The following LCOR variants were observed in gnomAD, a reference collection of about 807,000 sequenced individuals.
LCOR encodes the protein ligand dependent nuclear receptor corepressor, also known as ligand-dependent corepressor.
Under a neutral mutation model 64.4 loss-of-function variants are expected in LCOR, and 14 were observed. The ratio of observed to expected loss-of-function variants is 0.22; its 90% confidence interval spans 0.14 to 0.34. The LOEUF is 0.34. Among genes scored for constraint, LCOR ranks in the 10% least tolerant of loss-of-function variants. LCOR has a pLI of 1.00. For missense variants in LCOR, 1,686 were observed against 1,765.3 expected, an observed-to-expected ratio of 0.96 and a Z score of 0.80; for synonymous variants, 643 against 642.5, an observed-to-expected ratio of 1.00 and a Z score of -0.01.
chr10:96,914,516 A>G (rs934813367), intron 4 of LCOR, among the ~76,000 whole-genome samples: 3 of 152,242 alleles, frequency 2.0e-5, no homozygotes, highest in African/African-American at 7.2e-5. Context: ...ATTTTAATAC[A>G]TTGAAAGTTT....
At chr10:96,956,168 TA>T in intron 7 of LCOR, 2 of 1,282,990 alleles carry the variant, frequency 1.6e-6, no homozygotes, top group Non-Finnish European at 2.0e-6. Flanking sequence ...AGAATTGAGT[TA>T]CCTCACAGAG....
chr10:96,926,923 A>C (rs1235716211), intron 4 of LCOR, among the ~76,000 whole-genome samples: 4 of 151,918 alleles, frequency 2.6e-5, no homozygotes, highest in African/African-American at 7.3e-5. Context: ...CAGTTTGTTT[A>C]TCATTTCACT....
At chr10:96,920,751 TACACACACAC>T (rs55839435) in intron 4 of LCOR, among the ~76,000 whole-genome samples, 3 of 118,866 alleles carry the variant, frequency 2.5e-5, no homozygotes, top group East Asian at 2.4e-4. Context: ...TATATATGTA[TACACACACAC>T]ACACACACAC....
At chr10:96,875,578 T>C (rs866636007) in intron 2 of LCOR, among the ~76,000 whole-genome samples, 23 of 151,992 alleles carry the variant, frequency 1.5e-4, no homozygotes, top group African/African-American at 5.5e-4. Flanking sequence ...TGAAAACACA[T>C]GGGCCAGGTT....
intron 7 of LCOR, chr10:96,955,197 G>T (rs1299147645): frequency 6.2e-7 from 1 of 1,614,172 alleles, no homozygotes; most frequent in African/African-American, 1.3e-5. Context: ...ATCCAGGGAA[G>T]CCTCTTGGGC....
At chr10:96,901,745 C>G (rs1846641484) in intron 2 of LCOR, among the ~76,000 whole-genome samples, 1 of 152,148 alleles carries the variant, frequency 6.6e-6, no homozygotes, top group African/African-American at 2.4e-5. Context: ...TTCTTCCTTC[C>G]TTCCTTCCAT....
chr10:96,894,253 AGCTAAAATTT>A (rs1294850562), intron 2 of LCOR, among the ~76,000 whole-genome samples: 2 of 152,106 alleles, frequency 1.3e-5, no homozygotes, highest in African/African-American at 4.8e-5. Context: ...CACCACGCCC[AGCTAAAATTT>A]GCATTTTTAG....
intron 4 of LCOR, among the ~76,000 whole-genome samples, chr10:96,920,751 T>TATAC (rs761907103): frequency 2.5e-5 from 3 of 118,884 alleles, no homozygotes; most frequent in Non-Finnish European, 4.9e-5. Context: ...TATATATGTA[T>TATAC]ACACACACAC....
intron 2 of LCOR, among the ~76,000 whole-genome samples, chr10:96,855,685 C>T (rs1845791227): frequency 6.6e-6 from 1 of 152,038 alleles, no homozygotes; most frequent in Non-Finnish European, 1.5e-5. Context: ...ATCCACCTGC[C>T]TCGGCCTCCC....
At chr10:96,887,528 A>C (rs1335528176) in intron 2 of LCOR, among the ~76,000 whole-genome samples, 1 of 151,296 alleles carries the variant, frequency 6.6e-6, no homozygotes, top group Non-Finnish European at 1.5e-5. Flanking sequence ...ACGCCACTGC[A>C]CTCCAGCCTG....
chr10:96,900,761 T>C (rs1400457398), intron 2 of LCOR, among the ~76,000 whole-genome samples: 3 of 152,140 alleles, frequency 2.0e-5, no homozygotes, highest in Non-Finnish European at 2.9e-5. Context: ...ATGGCTGTTC[T>C]ACTTCCCAAA....
At chr10:96,928,325 A>G (rs376337587) in intron 4 of LCOR, among the ~76,000 whole-genome samples, 5 of 152,130 alleles carry the variant, frequency 3.3e-5, no homozygotes, top group African/African-American at 4.8e-5. Flanking sequence ...TATTTCAACA[A>G]TGTTGACAGC....
chr10:96,938,109 C>T (rs964791073), intron 4 of LCOR, among the ~76,000 whole-genome samples: 2 of 152,016 alleles, frequency 1.3e-5, no homozygotes, highest in African/African-American at 2.4e-5. Context: ...CACCACCATG[C>T]CCAGCTGTTA....
chr10:96,937,268 G>T (rs770129078), intron 4 of LCOR, among the ~76,000 whole-genome samples: 63 of 152,270 alleles, frequency 4.1e-4, no homozygotes, highest in Non-Finnish European at 6.0e-4. Flanking sequence ...CTAGGAAGAG[G>T]CAAGGAAGGA....
At position 96,832,301 on chromosome 10, in the gene LCOR, A is replaced by T. The variant is rs1041006035; in HGVS notation, c.-502A>T. On this transcript the variant is annotated 5_prime_UTR_variant, in exon 1 of 8. In the 5' UTR this introduces an upstream ATG that the reference lacks. Transcript: ENST00000421806. Reference sequence around the variant, plus strand: ...GAGGCTGGGCCGGGCGGGCGGCAGAAGATGGCGAGGGTGTGTAGGCGGCAG... The same window carrying T: ...GAGGCTGGGCCGGGCGGGCGGCAGATGATGGCGAGGGTGTGTAGGCGGCAG... 1.0e-6 allele frequency: 1 copy of T among 981,648 alleles called. No individual in the cohort carries two copies. 60.8% of individuals were successfully genotyped at this position (981,648 alleles called of 1,614,324 possible).
At chr10:96,932,178 TGAC>T (rs1564629794) in intron 4 of LCOR, among the ~76,000 whole-genome samples, 1 of 152,304 alleles carries the variant, frequency 6.6e-6, no homozygotes, top group East Asian at 1.9e-4. Context: ...AATATGCCAC[TGAC>T]GATAGATTTG....
chr10:96,836,715 G>GT, intron 2 of LCOR, among the ~76,000 whole-genome samples: 1 of 152,294 alleles, frequency 6.6e-6, no homozygotes, highest in Middle Eastern at 3.4e-3. Flanking sequence ...TCGTTCTGAT[G>GT]GAAAAGGCAT....
At chr10:96,885,090 A>G (rs1032989622) in intron 2 of LCOR, among the ~76,000 whole-genome samples, 1 of 152,248 alleles carries the variant, frequency 6.6e-6, no homozygotes, top group African/African-American at 2.4e-5. Context: ...TCACTGTTCA[A>G]CTGGAAGTTT....
intron 2 of LCOR, among the ~76,000 whole-genome samples, chr10:96,887,139 TG>T (rs2134426765): frequency 6.6e-6 from 1 of 152,324 alleles, no homozygotes; most frequent in Non-Finnish European, 1.5e-5. Flanking sequence ...GGAGTGATGA[TG>T]GGTAAAATTG....
Sources: gnomAD v4.1 joint callset for allele counts (sites outside exome capture counted in the v4.1 genomes callset) on GRCh38, gnomAD v4.1.1 for gene constraint, MANE v1.5 for transcripts, NCBI Gene and HGNC (gene_info 2026-07-23, HGNC 2026-07-21) for gene names.